CRYM: variants seen among roughly 807,000 people sequenced by gnomAD.
CRYM encodes crystallin mu.
CRYM carries 18 observed loss-of-function variants against 32.9 expected under a neutral mutation model. That is an observed-to-expected ratio of 0.55 (90% CI 0.38 to 0.81). The LOEUF is 0.81. CRYM is among the 30% of genes least tolerant of loss of function. The pLI is 0.00. For missense variants in CRYM, 337 were observed against 393.5 expected (o/e 0.86, Z 1.21); for synonymous variants, 153 against 152.4 (o/e 1.00, Z -0.03).
rs983184264 is a variant in CRYM at position 21,276,772 on chromosome 16, G to T, written c.324+659C>A. ...CCGTGGACTTAGACTGAGCAGCTCTGAAGTCCAACCATGCTAATTGTTGGT... is the reference window on the plus strand; with the variant it reads ...CCGTGGACTTAGACTGAGCAGCTCTTAAGTCCAACCATGCTAATTGTTGGT... On this transcript the variant is annotated intron_variant, in intron 2 of 7. Transcript: ENST00000572914. 2.0e-5 allele frequency among the ~76,000 whole-genome samples: 3 copies of T among 152,318 alleles called. No homozygotes were observed. The South Asian group carries it at 6.2e-4, about 32-fold the overall frequency.
intron 1 of CRYM, among the ~76,000 whole-genome samples, chr16:21,301,793 C>A (rs931644213): frequency 6.6e-6 from 1 of 152,200 alleles, no homozygotes; most frequent in East Asian, 1.9e-4. Context: ...CCGCGGGCGG[C>A]TGGTGGTTGG....
intron 3 of CRYM, among the ~76,000 whole-genome samples, chr16:21,272,874 G>T (rs551405768): frequency 1.3e-4 from 17 of 126,780 alleles, no homozygotes; most frequent in African/African-American, 5.2e-4. Context: ...TTCCATGTTG[G>T]TCAGGCTGGT....
chr16:21,261,645 T>A (rs1221038350), intron 6 of CRYM: 1 of 493,992 alleles, frequency 2.0e-6, no homozygotes, highest in African/African-American at 1.9e-5. Context: ...TGAACATGCA[T>A]GCCAGCAGCT....
chr16:21,294,934 A>G (rs1960756958), intron 1 of CRYM, among the ~76,000 whole-genome samples: 2 of 151,934 alleles, frequency 1.3e-5, no homozygotes, highest in East Asian at 1.9e-4. Context: ...TGACCTCGCA[A>G]TCCACCCACC....
At chr16:21,287,937 A>C (rs752811187) in intron 1 of CRYM, among the ~76,000 whole-genome samples, 64 of 152,256 alleles carry the variant, frequency 4.2e-4, no homozygotes, top group African/African-American at 1.5e-3. Context: ...GCAGAAGTGC[A>C]GGTACCCTGT....
At chr16:21,289,796 G>A (rs367817984) in intron 1 of CRYM, among the ~76,000 whole-genome samples, 7 of 151,746 alleles carry the variant, frequency 4.6e-5, no homozygotes, top group East Asian at 3.9e-4. Context: ...TTTACAGAGC[G>A]CTGATTGGCC....
At chr16:21,269,368 CAA>C (rs2093370331) in intron 4 of CRYM, among the ~76,000 whole-genome samples, 1 of 152,070 alleles carries the variant, frequency 6.6e-6, no homozygotes, top group Non-Finnish European at 1.5e-5. Context: ...ATGGAGACTG[CAA>C]AAGAGAGAGG....
chr16:21,294,660 T>C (rs1960747927), intron 1 of CRYM, among the ~76,000 whole-genome samples: 1 of 151,888 alleles, frequency 6.6e-6, no homozygotes, highest in South Asian at 2.1e-4. Context: ...GCTTCATCCA[T>C]GTCCCTGCAA....
chr16:21,296,508 T>C (rs911709169), intron 1 of CRYM, among the ~76,000 whole-genome samples: 2 of 152,180 alleles, frequency 1.3e-5, no homozygotes, highest in Admixed American at 6.5e-5. Flanking sequence ...AATCTACTCA[T>C]TGAAAGGGCA....
chr16:21,262,153 C>A lies in CRYM; in HGVS notation c.679G>T (p.Gly227Ter). The change falls in exon 6 of 8, where the codon GGA becomes TGA. Residue 227 changes from glycine to a stop codon, truncating the protein, a stop_gained. Coordinates refer to ENST00000572914, the MANE Select transcript of CRYM (RefSeq NM_001376256.1). LOFTEE classifies it high-confidence loss of function. ...VKPGAHINAV[G>*]ASRPDWRELD... Reference sequence around the variant, plus strand: ...TCTCTCCAGTCAGGTCTGCTGGCTCCAACAGCTAAGAGACAGCAAAACAGA... The same window carrying A: ...TCTCTCCAGTCAGGTCTGCTGGCTCAAACAGCTAAGAGACAGCAAAACAGA... The A allele has an allele frequency of 1.2e-6, 2 of 1,614,038 alleles. No individual in the cohort carries two copies. Among genetic ancestry groups the A allele is most frequent in the Non-Finnish European group, 1.7e-6 (2 of 1,179,970 alleles).
intron 7 of CRYM, chr16:21,260,937 G>C (rs979296269): frequency 4.7e-6 from 2 of 429,056 alleles, no homozygotes; most frequent in African/African-American, 4.0e-5. Flanking sequence ...GATCTGCACC[G>C]AACTGATTCA....
At chr16:21,302,066 C>T (rs989209306) in intron 1 of CRYM, among the ~76,000 whole-genome samples, 1 of 152,206 alleles carries the variant, frequency 6.6e-6, no homozygotes, top group Non-Finnish European at 1.5e-5. Context: ...CTCATCCCCC[C>T]GCCAACACAC....
At chr16:21,260,234 G>T (rs1260930703) in intron 7 of CRYM, among the ~76,000 whole-genome samples, 1 of 152,164 alleles carries the variant, frequency 6.6e-6, no homozygotes, top group African/African-American at 2.4e-5. Context: ...AGGGGCTCAG[G>T]ATAGCAACTG....
intron 3 of CRYM, among the ~76,000 whole-genome samples, chr16:21,273,363 T>A (rs1319458328): frequency 6.6e-6 from 1 of 152,202 alleles, no homozygotes; most frequent in Non-Finnish European, 1.5e-5. Context: ...TCTGAGCCCC[T>A]GGAAATAAAG....
chr16:21,291,319 C>T (rs1282469697), intron 1 of CRYM, among the ~76,000 whole-genome samples: 1 of 152,144 alleles, frequency 6.6e-6, no homozygotes, highest in Non-Finnish European at 1.5e-5. Flanking sequence ...TTCCTAACTC[C>T]ATAAATTACA....
rs1015969420 is a variant in CRYM, at chr16:21,277,221, A to G, written c.324+210T>C. On this transcript the variant is annotated intron_variant, in intron 2 of 7. Coordinates refer to ENST00000572914, the MANE Select transcript of CRYM (RefSeq NM_001376256.1). The surrounding 1 kb of genome is among the most constrained non-coding windows in gnomAD (Gnocchi z 4.2). The stretch of plus-strand genomic sequence containing the variant: ...CACACTGTCACATGCTTGAGGCAGC[A>G]GTGGGCGCTGGTGCCGTGTTATGCA... Among the ~76,000 whole-genome samples, 2 of 152,212 alleles carry G rather than the reference A, an allele frequency of 1.3e-5. No homozygotes were observed. The highest frequency in any genetic ancestry group is 6.5e-5 in the Admixed American group (1 of 15,288).
intron 6 of CRYM, chr16:21,261,776 C>G (rs1374255567): frequency 2.0e-6 from 1 of 498,364 alleles, no homozygotes; most frequent in Non-Finnish European, 3.6e-6. Context: ...AATCCCACTT[C>G]TTTAGAGGAC....
intron 3 of CRYM, among the ~76,000 whole-genome samples, chr16:21,274,941 CT>C (rs1488916490): frequency 3.9e-5 from 6 of 152,206 alleles, no homozygotes; most frequent in Non-Finnish European, 8.8e-5. Flanking sequence ...TCTACCTCCC[CT>C]GTGTGTGCCC....
chr16:21,274,591 GTTTGT>G (rs1387037126), intron 3 of CRYM, among the ~76,000 whole-genome samples: 3 of 151,888 alleles, frequency 2.0e-5, no homozygotes, highest in Non-Finnish European at 4.4e-5. Flanking sequence ...AGATGTTTTT[GTTTGT>G]TTTGTTTTGT....
Sources: gnomAD v4.1 joint callset for allele counts (sites outside exome capture counted in the v4.1 genomes callset) on GRCh38, gnomAD v4.1.1 for gene constraint, Gnocchi (gnomAD v3.1) non-coding constraint, MANE v1.5 for transcripts, NCBI Gene and HGNC (gene_info 2026-07-23, HGNC 2026-07-21) for gene names.